ERAP1: variants seen among roughly 807,000 people sequenced by gnomAD.
ERAP1 encodes adipocyte-derived leucine aminopeptidase.
A neutral mutation model predicts 103.7 loss-of-function variants in ERAP1; 86 were observed. The ratio of observed to expected loss-of-function variants is 0.83; its 90% CI spans 0.70 to 0.99. The LOEUF is 0.99. Among genes scored for constraint, ERAP1 ranks in the 50% least tolerant of loss-of-function variants. The pLI is 0.00. For missense variants in ERAP1, 1,009 were observed against 1,128.4 expected, an observed-to-expected ratio of 0.89 and a Z score of 1.52; for synonymous variants, 398 against 402.4, an observed-to-expected ratio of 0.99 and a Z score of 0.13.
chr5:96,819,325 C>T, the ERAP1 span, among the ~76,000 whole-genome samples: 24 of 152,290 alleles, frequency 1.6e-4, no homozygotes, highest in African/African-American at 4.6e-4. Flanking sequence ...TGTCAGAAGC[C>T]TCATGGACAG....
chr5:96,865,155 G>A, the ERAP1 span, among the ~76,000 whole-genome samples: 2 of 152,108 alleles, frequency 1.3e-5, no homozygotes, highest in African/African-American at 4.8e-5. Flanking sequence ...CTTATGACCT[G>A]TTCCATCCTC....
the ERAP1 span, chr5:96,822,897 T>C: frequency 2.8e-6 from 1 of 360,764 alleles, no homozygotes; most frequent in Non-Finnish European, 5.5e-6. Context: ...TAGGGTCACA[T>C]GAGGCTGAAT....
At chr5:96,887,094 T>C in the ERAP1 span, among the ~76,000 whole-genome samples, 12,823 of 115,324 alleles carry the variant, frequency 0.11, 768 homozygotes, top group South Asian at 0.16. Context: ...TATATATATA[T>C]ATATATACAC....
chr5:96,797,642 G>A (rs1203397307), intron 3 of ERAP1, among the ~76,000 whole-genome samples: 1 of 152,178 alleles, frequency 6.6e-6, no homozygotes, highest in East Asian at 1.9e-4. Flanking sequence ...CTCCTGCCTG[G>A]ATGACAGAGC....
In ERAP1 at chr5:96,781,135, T is replaced by A; in HGVS notation, c.2511A>T (p.Thr837=). ...ATCCTACTGGGTTCCTGCCAATGAGTGTAAGAATTTGTGGAAACTCCTGAG... is the reference window on the plus strand; with the variant it reads ...ATCCTACTGGGTTCCTGCCAATGAGAGTAAGAATTTGTGGAAACTCCTGAG... ...IKTQEFPQIL[T]LIGRNPVGYP... Residue 837 remains threonine (T), a synonymous_variant, in exon 17 of 19, where the codon ACA becomes ACT. Coordinates refer to ENST00000443439, the MANE Select transcript of ERAP1 (RefSeq NM_001040458.3). The A allele has an allele frequency of 6.2e-7, 1 of 1,613,524 alleles. No individual in the cohort carries two copies. The highest frequency in any genetic ancestry group is 1.1e-5 in the South Asian group (1 of 91,038).
At chr5:96,875,263 G>A in the ERAP1 span, among the ~76,000 whole-genome samples, 22 of 152,064 alleles carry the variant, frequency 1.4e-4, no homozygotes, top group Non-Finnish European at 2.5e-4. Flanking sequence ...GGCCAGTTGC[G>A]GTGTCTCATG....
chr5:96,809,110 G>A (rs1209989677), upstream of ERAP1, among the ~76,000 whole-genome samples: 2 of 152,206 alleles, frequency 1.3e-5, no homozygotes, highest in Middle Eastern at 3.2e-3. Flanking sequence ...AAACTGTCAT[G>A]GAGCTGGTGA....
chr5:96,864,220 A>G, the ERAP1 span, among the ~76,000 whole-genome samples: 2 of 152,180 alleles, frequency 1.3e-5, no homozygotes, highest in Admixed American at 1.3e-4. Context: ...CCTTGTACTT[A>G]GATTTAGTGG....
chr5:96,776,710 A>AAAT (rs1225355190), intron 18 of ERAP1, among the ~76,000 whole-genome samples, 159 bp from the exon 19 acceptor site: 3 of 152,238 alleles, frequency 2.0e-5, no homozygotes, highest in Non-Finnish European at 2.9e-5. Context: ...AAGCTGTATG[A>AAAT]AATGAGCTCA....
the ERAP1 span, chr5:96,879,541 AT>A: frequency 1.6e-6 from 1 of 618,676 alleles, no homozygotes; most frequent in South Asian, 2.2e-5. Flanking sequence ...TTGTCATGCT[AT>A]AAGTGTGTTT....
chr5:96,775,109 A>G lies in ERAP1; in HGVS notation c.*1287T>C, dbSNP rs1214578474. ...AGTCCCTGTGTAGCAAGTTTTCAGA[A>G]TAAGAAATAAAATCTAATTCTTAGG... is the stretch of plus-strand genomic sequence containing the variant. On this transcript the variant is annotated 3_prime_UTR_variant, in exon 19 of 19. Transcript: ENST00000443439. 3 of 985,452 alleles carry G rather than the reference A, an allele frequency of 3.0e-6. No individual in the cohort carries two copies. The highest frequency in any genetic ancestry group is 3.5e-5 in the African/African-American group (2 of 57,232). 61.0% of individuals were successfully genotyped at this position (985,452 alleles called of 1,614,324 possible). A position where few individuals can be genotyped will look rare whatever the true frequency, so the allele number is the denominator to read the frequency against.
At position 96,785,953 on chromosome 5, in the gene ERAP1, T is replaced by G; in HGVS notation, c.1778A>C (p.Glu593Ala). The G allele has an allele frequency of 1.2e-6, 2 of 1,614,146 alleles. No individual in the cohort carries two copies. Among genetic ancestry groups the G allele is most frequent in the Non-Finnish European group, 1.7e-6 (2 of 1,180,006 alleles). ...KTKTDVLILP[E>A]EVEWIKFNVG... Reference sequence around the variant, plus strand: ...ATTAAATTTGATCCATTCCACCTCTTCTGGGAGGATGAGCACATCTAGAGT... The same window carrying G: ...ATTAAATTTGATCCATTCCACCTCTGCTGGGAGGATGAGCACATCTAGAGT... The change falls in exon 13 of 19, where the codon GAA becomes GCA. Residue 593 changes from glutamate (E) to alanine (A), a missense_variant. This residue lies in a region of ERAP1 where 611 missense variants were observed against 651.7 expected (regional missense o/e 0.94). Transcript: ENST00000443439.
At chr5:96,812,002 T>C (rs530567686), upstream of ERAP1, among the ~76,000 whole-genome samples, 99 of 152,380 alleles carry the variant, frequency 6.5e-4, no homozygotes, top group African/African-American at 2.2e-3. Context: ...CCTTTGCTCG[T>C]GTCAACAAGG....
At chr5:96,881,711 T>TG in the ERAP1 span, among the ~76,000 whole-genome samples, 1 of 152,178 alleles carries the variant, frequency 6.6e-6, no homozygotes, top group South Asian at 2.1e-4. Context: ...TCCTAATACT[T>TG]GCAAGATGAT....
the ERAP1 span, among the ~76,000 whole-genome samples, chr5:96,867,212 G>C: frequency 6.6e-6 from 1 of 151,860 alleles, no homozygotes; most frequent in African/African-American, 2.4e-5. Flanking sequence ...TCATCATGTT[G>C]TCCAGGGTAG....
At chr5:96,863,634 G>T in the ERAP1 span, among the ~76,000 whole-genome samples, 2 of 152,028 alleles carry the variant, frequency 1.3e-5, no homozygotes, top group African/African-American at 4.8e-5. Context: ...TCTCTTAGCA[G>T]ATTCACCCAT....
At chr5:96,894,508 A>T in the ERAP1 span, among the ~76,000 whole-genome samples, 1 of 106,176 alleles carries the variant, frequency 9.4e-6, no homozygotes, top group Non-Finnish European at 2.0e-5. Flanking sequence ...CATACACTAG[A>T]TGTGCAGTAT....
At chr5:96,897,305 G>A in the ERAP1 span, among the ~76,000 whole-genome samples, 1 of 152,078 alleles carries the variant, frequency 6.6e-6, no homozygotes, top group African/African-American at 2.4e-5. Flanking sequence ...TATATTTCTA[G>A]TGCCTTTACT....
rs756620937 is a variant in ERAP1 at position 96,792,052 on chromosome 5, T to C, written c.1320+9A>G. 7 of 1,613,748 alleles carry C rather than the reference T, an allele frequency of 4.3e-6. No homozygotes were observed. The African/African-American group carries it at 9.3e-5, about 22-fold the overall frequency. On this transcript the variant is annotated intron_variant, in intron 8 of 18. Coordinates refer to ENST00000443439, the MANE Select transcript of ERAP1 (RefSeq NM_001040458.3). The stretch of plus-strand genomic sequence containing the variant: ...CTAAACTGTATCCTTATACTCAATC[T>C]ACTTTTACCTTATCATAAGAAACAT...
Sources: allele counts gnomAD v4.1 joint callset (sites outside exome capture counted in the v4.1 genomes callset), GRCh38; gene constraint gnomAD v4.1.1; regional missense constraint gnomAD v4.1.1; transcripts MANE v1.5; gene names NCBI Gene and HGNC (gene_info 2026-07-23, HGNC 2026-07-21).